Variants in TRPM3 observed in about 807,000 individuals in gnomAD.
The protein encoded by TRPM3 is long transient receptor potential channel 3.
In TRPM3, 77 loss-of-function variants were observed where a neutral mutation model predicts 181.2. The observed-to-expected ratio is 0.42, with a 90% CI of 0.35 to 0.51. The LOEUF is 0.51. TRPM3 is among the 20% of genes least tolerant of loss of function. The pLI, the probability that TRPM3 is intolerant of heterozygous loss-of-function variation, is 0.01. For missense variants in TRPM3, 1,759 were observed against 2,196.7 expected (o/e 0.80, Z 3.98); for synonymous variants, 745 against 796.4 (o/e 0.94, Z 1.09).
chr9:70,807,788 C>A (rs1334165321), intron 6 of TRPM3, among the ~76,000 whole-genome samples: 1 of 151,938 alleles, frequency 6.6e-6, no homozygotes, highest in East Asian at 1.9e-4. Context: ...TAGAGCACAG[C>A]AAGAGCATGG....
At chr9:70,974,672 T>G (rs984921723) in intron 1 of TRPM3, among the ~76,000 whole-genome samples, 1 of 150,910 alleles carries the variant, frequency 6.6e-6, no homozygotes, top group Admixed American at 6.6e-5. Context: ...GGGTTTGCAG[T>G]GAGCCGAGAT....
intron 1 of TRPM3, among the ~76,000 whole-genome samples, chr9:71,110,137 C>T (rs941469669): frequency 1.3e-5 from 2 of 152,038 alleles, no homozygotes; most frequent in African/African-American, 4.8e-5. Context: ...TCTCAATTTC[C>T]CTCAGACACT....
intron 6 of TRPM3, 132 bp downstream of exon 6, chr9:70,827,715 G>T: frequency 4.4e-6 from 5 of 1,134,520 alleles, no homozygotes; most frequent in Non-Finnish European, 6.2e-6. Flanking sequence ...CTAAGCTCTG[G>T]CCCGGTAGAA....
rs1027601235 is a variant in TRPM3, at chr9:71,355,612, A to G, written c.183+91041T>C. 5.3e-5 allele frequency among the ~76,000 whole-genome samples: 8 copies of G among 152,262 alleles called. No individual in the cohort carries two copies. In the South Asian group the frequency reaches 1.5e-3, roughly 28 times the overall value. On this transcript the variant is annotated intron_variant, in intron 1 of 24. Coordinates refer to the TRPM3 transcript ENST00000357533. ...CTTACGGCAGCCCTAGGAAGCCGAT[A>G]GAGTCCCCCTGTGGTTATTTGAGGC...
chr9:70,635,414 T>A (rs574305912), intron 11 of TRPM3, among the ~76,000 whole-genome samples, 153 bp from the exon 12 acceptor site: 1 of 152,122 alleles, frequency 6.6e-6, no homozygotes, highest in East Asian at 1.9e-4. Flanking sequence ...GCCTTTTCTT[T>A]CTTTCTTTTA....
chr9:71,015,521 T>C (rs987853637), intron 1 of TRPM3, among the ~76,000 whole-genome samples: 2 of 152,176 alleles, frequency 1.3e-5, no homozygotes, highest in Non-Finnish European at 2.9e-5. Context: ...TCTACATTGA[T>C]CTAAGAATGT....
At chr9:70,928,238 A>G (rs2096740898) in intron 1 of TRPM3, among the ~76,000 whole-genome samples, 1 of 152,190 alleles carries the variant, frequency 6.6e-6, no homozygotes, top group South Asian at 2.1e-4. Flanking sequence ...GCAGGTAATG[A>G]GCTCTAGTTT....
chr9:70,813,876 G>A (rs2131461550), intron 6 of TRPM3, among the ~76,000 whole-genome samples: 1 of 152,250 alleles, frequency 6.6e-6, no homozygotes, highest in South Asian at 2.1e-4. Flanking sequence ...AACTAAATCA[G>A]TTATTTCTTG....
chr9:70,877,148 T>G (rs1407623470), intron 1 of TRPM3, among the ~76,000 whole-genome samples: 1 of 151,944 alleles, frequency 6.6e-6, no homozygotes, highest in Non-Finnish European at 1.5e-5. Flanking sequence ...TCTCCCACAC[T>G]CCACAATCAT....
chr9:71,131,796 A>G (rs2074392263), intron 1 of TRPM3, among the ~76,000 whole-genome samples: 1 of 152,236 alleles, frequency 6.6e-6, no homozygotes. Flanking sequence ...ATCTACATAC[A>G]GAAGAACTGG....
chr9:70,898,895 A>G (rs55917695), intron 1 of TRPM3, among the ~76,000 whole-genome samples: 6,958 of 152,146 alleles, frequency 0.046, 430 homozygotes, highest in African/African-American at 0.14. Context: ...TTGAACCTGA[A>G]CCCTTTCTGG....
In TRPM3 at chr9:70,536,309, G is replaced by T; in HGVS notation, c.4804C>A (p.Leu1602Met). Reference protein sequence around the residue: ...TCCHPEREAELSHPSSDSEEN... With the variant: ...TCCHPEREAEMSHPSSDSEEN... ...TCACTGTCAGAGCTGGGGTGACTCA[G>T]TTCTGCTTCTCGCTCTGGATGGCAG... The change falls in exon 26 of 26, where the codon CTG becomes ATG. Residue 1602 changes from leucine to methionine, a missense_variant. Leu to Met is a conservative substitution (Grantham distance 15). Coordinates refer to ENST00000677713, the MANE Select transcript of TRPM3 (RefSeq NM_001366145.2). 6.2e-7 allele frequency: 1 copy of T among 1,614,186 alleles called. No individual in the cohort carries two copies. The highest frequency in any genetic ancestry group is 2.2e-5 in the East Asian group (1 of 44,872).
chr9:70,666,277 C>T (rs920073720), intron 9 of TRPM3, among the ~76,000 whole-genome samples: 5 of 152,206 alleles, frequency 3.3e-5, no homozygotes, highest in African/African-American at 1.2e-4. Context: ...AGAACTATCA[C>T]CTTGGGTCTC....
At chr9:70,838,699 T>C (rs946341093) in intron 5 of TRPM3, among the ~76,000 whole-genome samples, 1 of 152,058 alleles carries the variant, frequency 6.6e-6, no homozygotes. Context: ...ATGGTGGAAA[T>C]AATATGGAGA....
chr9:71,354,308 T>C (rs1447150349), intron 1 of TRPM3, among the ~76,000 whole-genome samples: 2 of 152,272 alleles, frequency 1.3e-5, no homozygotes, highest in South Asian at 4.1e-4. Context: ...GGTTGTCAGA[T>C]GCCACCTTAT....
At chr9:71,074,142 T>C (rs1253241382) in intron 1 of TRPM3, among the ~76,000 whole-genome samples, 1 of 152,212 alleles carries the variant, frequency 6.6e-6, no homozygotes, top group Non-Finnish European at 1.5e-5. Context: ...AATTCTATTT[T>C]AGTAACTACC....
At chr9:71,012,725 C>A (rs2097755988) in intron 1 of TRPM3, among the ~76,000 whole-genome samples, 1 of 151,598 alleles carries the variant, frequency 6.6e-6, no homozygotes, top group Admixed American at 6.6e-5. Context: ...AAAGCTAATA[C>A]TTTTTATATA....
chr9:70,881,759 T>C (rs1396228519), intron 1 of TRPM3, among the ~76,000 whole-genome samples: 3 of 152,200 alleles, frequency 2.0e-5, no homozygotes, highest in Non-Finnish European at 4.4e-5. Flanking sequence ...ATTTCTGCAG[T>C]TTCCTTTACA....
Position 70,549,527 on chromosome 9 carries a change from GTCC to G in TRPM3, c.3707+12_3707+14del. The stretch of plus-strand genomic sequence containing the variant: ...CACAACACATCTGCAGGAGGCAGGT[GTCC>G]ACAGAACACACCTTTCTGAAGTCAC... On this transcript the variant is annotated intron_variant, in intron 25 of 25. Coordinates refer to ENST00000677713, the MANE Select transcript of TRPM3 (RefSeq NM_001366145.2). 5 of 1,604,718 alleles carry G rather than the reference GTCC, an allele frequency of 3.1e-6. No homozygotes were observed. The highest frequency in any genetic ancestry group is 4.2e-6 in the Non-Finnish European group (5 of 1,176,806).
Sources: allele counts gnomAD v4.1 joint callset (sites outside exome capture counted in the v4.1 genomes callset), GRCh38; gene constraint gnomAD v4.1.1; transcripts MANE v1.5; gene names NCBI Gene and HGNC (gene_info 2026-07-23, HGNC 2026-07-21).